CFAP54: variants seen among roughly 807,000 people sequenced by gnomAD.
CFAP54 encodes cilia and flagella associated protein 54, also known as cilia- and flagella-associated protein 54.
Under a neutral mutation model 370.4 loss-of-function variants are expected in CFAP54, and 290 were observed. The observed-to-expected ratio is 0.78, with a 90% confidence interval of 0.71 to 0.86. CFAP54 has a LOEUF of 0.86. CFAP54 is among the 40% of genes least tolerant of loss of function. The pLI is 0.00. For synonymous variants in CFAP54, 1,206 were observed against 1,236.5 expected, an observed-to-expected ratio of 0.98 and a Z score of 0.52; for missense variants, 3,399 against 3,528.7, an observed-to-expected ratio of 0.96 and a Z score of 0.93.
At chr12:96,497,910 G>A (rs1410774125) in intron 1 of CFAP54, among the ~76,000 whole-genome samples, 1 of 152,152 alleles carries the variant, frequency 6.6e-6, no homozygotes, top group Non-Finnish European at 1.5e-5. Flanking sequence ...GCTTTCTGAG[G>A]TTGCCCAACT....
rs536891625 is a variant in CFAP54 at position 96,728,496 on chromosome 12, C to T, written c.6965+7931C>T. Reference sequence around the variant, plus strand: ...GCTCCTGAGGCTTCTGCATTCTTCACGTAGTTCTCGACCCTTGGCTTTCAG... The same window carrying T: ...GCTCCTGAGGCTTCTGCATTCTTCATGTAGTTCTCGACCCTTGGCTTTCAG... On this transcript the variant is annotated intron_variant, in intron 50 of 67. Transcript: ENST00000524981. Among the ~76,000 whole-genome samples the T allele has an allele frequency of 4.1e-4, 63 of 152,332 alleles. 1 individual carries two copies. The South Asian group carries it at 0.013, about 31-fold the overall frequency.
chr12:96,553,543 G>C (rs1475119627), intron 15 of CFAP54, among the ~76,000 whole-genome samples: 1 of 61,928 alleles, frequency 1.6e-5, no homozygotes, highest in Non-Finnish European at 3.3e-5. Flanking sequence ...TATATATATA[G>C]TAATATATGT....
In CFAP54 at chr12:96,819,145, A is replaced by G. The variant is rs1433994790; in HGVS notation, c.9096+1232A>G. On this transcript the variant is annotated intron_variant, in intron 65 of 67. Transcript: ENST00000524981. ...ACGTTTGTTATTTGCTTTCACACCT[A>G]CAAATAATATTCAGTATCGGTCATG... Among the ~76,000 whole-genome samples the G allele has an allele frequency of 2.0e-5, 3 of 152,202 alleles. No homozygotes were observed. The East Asian group carries it at 5.8e-4, about 29-fold the overall frequency.
chr12:96,817,802 TA>T lies in CFAP54; in HGVS notation c.8987del (p.Asn2996IlefsTer5). On this transcript the variant is annotated frameshift_variant, in exon 65 of 68. Coordinates refer to ENST00000524981, the MANE Select transcript of CFAP54 (RefSeq NM_001306084.2). LOFTEE classifies it high-confidence loss of function. ...TTATTGCAATTCATGAGAAATTATC[TA>T]ATCTTGCTCAAATAGCTGAACTATC... ...RVIAIHEKLS[N>X]LAQIAELSLP... 6.7e-7 allele frequency: 1 copy of T among 1,498,126 alleles called. No homozygotes were observed. The allele number at this position is 1,498,126 out of a possible 1,614,324, so 92.8% of individuals were successfully genotyped here.
intron 17 of CFAP54, among the ~76,000 whole-genome samples, chr12:96,556,129 T>TA (rs200844526): frequency 1.6e-4 from 24 of 149,294 alleles, no homozygotes; most frequent in Middle Eastern, 3.5e-3. Context: ...GAGTTAAATG[T>TA]AAAAAAAAAA....
intron 2 of CFAP54, among the ~76,000 whole-genome samples, chr12:96,502,419 AG>A (rs1955041157): frequency 3.4e-5 from 5 of 147,750 alleles, no homozygotes; most frequent in Admixed American, 1.3e-4. Context: ...AAAAAAAAAA[AG>A]GTATTTATAA....
At chr12:96,825,570 C>T in intron 65 of CFAP54, among the ~76,000 whole-genome samples, 1 of 111,586 alleles carries the variant, frequency 9.0e-6, no homozygotes, top group African/African-American at 3.6e-5. Context: ...ACTATATTTA[C>T]CTATAATAAT....
intron 60 of CFAP54, among the ~76,000 whole-genome samples, chr12:96,772,739 C>T (rs1172359445): frequency 6.6e-6 from 1 of 152,076 alleles, no homozygotes; most frequent in Non-Finnish European, 1.5e-5. Context: ...CCTGCCTCAG[C>T]CTTCTGAGTA....
At chr12:96,633,467 A>G (rs1035682092) in intron 32 of CFAP54, among the ~76,000 whole-genome samples, 1 of 152,150 alleles carries the variant, frequency 6.6e-6, no homozygotes, top group Admixed American at 6.5e-5. Context: ...TTGCATGCAC[A>G]TGTGTGTGTG....
intron 36 of CFAP54, among the ~76,000 whole-genome samples, chr12:96,653,721 AAACT>A (rs1956886971): frequency 6.6e-6 from 1 of 151,960 alleles, no homozygotes; most frequent in Admixed American, 6.5e-5. Context: ...AATTAAATCT[AAACT>A]AAAGAGAAGA....
intron 25 of CFAP54, among the ~76,000 whole-genome samples, chr12:96,596,247 A>G (rs1956177617): frequency 1.3e-5 from 2 of 152,136 alleles, no homozygotes; most frequent in Admixed American, 1.3e-4. Flanking sequence ...CAATTGGCTG[A>G]GTTTACGGTA....
At chr12:96,496,418 C>G (rs922220545) in intron 1 of CFAP54, among the ~76,000 whole-genome samples, 1 of 152,194 alleles carries the variant, frequency 6.6e-6, no homozygotes, top group African/African-American at 2.4e-5. Flanking sequence ...AGTCTGAAGG[C>G]TGGAAGTCCC....
chr12:96,864,748 A>ATATAACAGC (rs1959961597), intron 67 of CFAP54, among the ~76,000 whole-genome samples: 1 of 152,092 alleles, frequency 6.6e-6, no homozygotes, highest in Non-Finnish European at 1.5e-5. Context: ...TTGTATTTTC[A>ATATAACAGC]TATAACAGCC....
At chr12:96,852,286 G>A (rs765222216) in intron 66 of CFAP54, among the ~76,000 whole-genome samples, 8 of 152,040 alleles carry the variant, frequency 5.3e-5, no homozygotes, top group Non-Finnish European at 1.2e-4. Context: ...TAGGTAGGTA[G>A]GTGGGTAGGT....
chr12:96,845,396 C>T (rs75091790), intron 66 of CFAP54, among the ~76,000 whole-genome samples: 1,792 of 152,308 alleles, frequency 0.012, 37 homozygotes, highest in African/African-American at 0.039. Context: ...TTGAAAACTT[C>T]GTTTTCTCAG....
chr12:96,724,012 C>T (rs1957795958), intron 50 of CFAP54, among the ~76,000 whole-genome samples: 1 of 152,078 alleles, frequency 6.6e-6, no homozygotes, highest in South Asian at 2.1e-4. Flanking sequence ...ATGATCTCAT[C>T]ATGTTTATGG....
Position 96,547,970 on chromosome 12 carries a change from A to C in CFAP54, c.2146A>C (p.Ile716Leu). Residue 716 changes from isoleucine to leucine, a missense_variant, in exon 15 of 68, where the codon ATA becomes CTA. Around this residue, in one of 3 missense-constraint regions of CFAP54, gnomAD observed 2,796 missense variants for 2,869.7 expected, o/e 0.97. Coordinates refer to ENST00000524981, the MANE Select transcript of CFAP54 (RefSeq NM_001306084.2). The part of the protein sequence containing the change: ...APKGITEILP[I>L]LQKNPVEQLL... ...AAAAGGGATCACAGAAATTCTTCCA[A>C]TATTACAGGTATTACTACATATTTA... 6.8e-7 allele frequency: 1 copy of C among 1,466,052 alleles called. No homozygotes were observed. The highest frequency in any genetic ancestry group is 9.1e-7 in the Non-Finnish European group (1 of 1,096,348). The allele number at this position is 1,466,052 out of a possible 1,614,324, so 90.8% of individuals were successfully genotyped here. A position where few individuals can be genotyped will look rare whatever the true frequency, so the allele number is the denominator to read the frequency against.
At chr12:96,731,835 G>A (rs184925993) in intron 50 of CFAP54, among the ~76,000 whole-genome samples, 118 of 152,068 alleles carry the variant, frequency 7.8e-4, no homozygotes, top group African/African-American at 2.7e-3. Context: ...AGTAGGAAAA[G>A]TTCAGCAATA....
chr12:96,798,420 T>G (rs935353978), intron 63 of CFAP54, among the ~76,000 whole-genome samples: 3 of 152,156 alleles, frequency 2.0e-5, no homozygotes, highest in Non-Finnish European at 2.9e-5. Context: ...TTCAACACAT[T>G]CAAAACCTCA....
Sources: allele counts gnomAD v4.1 joint callset (sites outside exome capture counted in the v4.1 genomes callset), GRCh38; gene constraint gnomAD v4.1.1; regional missense constraint gnomAD v4.1.1; transcripts MANE v1.5; gene names NCBI Gene and HGNC (gene_info 2026-07-23, HGNC 2026-07-21).